Variants in NUDCD1 observed in about 807,000 individuals in gnomAD.
The protein encoded by NUDCD1 is nudC domain-containing protein 1.
A neutral mutation model predicts 67.8 loss-of-function variants in NUDCD1; 60 were observed. That is an observed-to-expected ratio of 0.88 (90% CI 0.72 to 1.10). NUDCD1 has a LOEUF of 1.10. NUDCD1 is among the 50% of genes least tolerant of loss of function. The probability of loss-of-function intolerance (pLI) is 0.00; values close to 1 mark genes in which losing one functional copy is unlikely to be tolerated. For synonymous variants in NUDCD1, 244 were observed against 230.8 expected (o/e 1.06, Z -0.52); for missense variants, 643 against 695.0 (o/e 0.93, Z 0.84).
At chr8:109,313,417 C>G (rs1001295596) in intron 2 of NUDCD1, among the ~76,000 whole-genome samples, 6 of 152,116 alleles carry the variant, frequency 3.9e-5, no homozygotes, top group Non-Finnish European at 7.3e-5. Flanking sequence ...CATGATACGA[C>G]AGCACAAAGT....
chr8:109,332,239 A>G (rs747686894), intron 1 of NUDCD1, among the ~76,000 whole-genome samples: 5 of 152,196 alleles, frequency 3.3e-5, no homozygotes, highest in Non-Finnish European at 7.3e-5. Context: ...CCAAAAGTGA[A>G]GGCAGGAAGG....
At chr8:109,331,015 C>T (rs945038260) in intron 1 of NUDCD1, among the ~76,000 whole-genome samples, 2 of 151,966 alleles carry the variant, frequency 1.3e-5, no homozygotes, top group Admixed American at 1.3e-4. Flanking sequence ...ACCAAACCTG[C>T]ACATCCTGCA....
intron 5 of NUDCD1, among the ~76,000 whole-genome samples, chr8:109,284,464 C>T (rs1814529264): frequency 1.3e-5 from 2 of 152,044 alleles, no homozygotes; most frequent in African/African-American, 4.8e-5. Flanking sequence ...ACCCATCAAC[C>T]ACAGAATATA....
At chr8:109,323,454 G>A (rs1048619942) in intron 1 of NUDCD1, among the ~76,000 whole-genome samples, 1 of 152,028 alleles carries the variant, frequency 6.6e-6, no homozygotes, top group Non-Finnish European at 1.5e-5. Context: ...TAGCACTTAT[G>A]ATACAGTGAG....
intron 8 of NUDCD1, among the ~76,000 whole-genome samples, chr8:109,245,888 G>A (rs958485329): frequency 2.0e-5 from 3 of 152,176 alleles, no homozygotes; most frequent in East Asian, 1.9e-4. Flanking sequence ...GAACTGGGCC[G>A]CACAGCAAGA....
At chr8:109,261,795 T>A (rs2129917058) in intron 8 of NUDCD1, among the ~76,000 whole-genome samples, 1 of 152,314 alleles carries the variant, frequency 6.6e-6, no homozygotes, top group African/African-American at 2.4e-5. Flanking sequence ...CATACCATCA[T>A]AATTTGCCCG....
At position 109,241,441 on chromosome 8, in the gene NUDCD1, A is replaced by C. The variant is rs1228126251; in HGVS notation, c.*1568T>G. The C allele has an allele frequency of 6.6e-6, 1 of 152,152 alleles. No homozygotes were observed. Among genetic ancestry groups the C allele is most frequent in the African/African-American group, 2.4e-5 (1 of 41,450 alleles). 9.4% of individuals were successfully genotyped at this position (152,152 alleles called of 1,614,324 possible). A position where few individuals can be genotyped will look rare whatever the true frequency, so the allele number is the denominator to read the frequency against. On this transcript the variant is annotated 3_prime_UTR_variant, in exon 10 of 10. Coordinates refer to ENST00000239690, the MANE Select transcript of NUDCD1 (RefSeq NM_032869.4). The stretch of plus-strand genomic sequence containing the variant: ...ATGGTCTTTTGTTTCATGAAGTTTT[A>C]CAACAATACTAAAAAGTTCTGGAAA...
chr8:109,300,734 C>A (rs4489305), intron 2 of NUDCD1, among the ~76,000 whole-genome samples: 1 of 152,216 alleles, frequency 6.6e-6, no homozygotes, highest in Non-Finnish European at 1.5e-5. Flanking sequence ...CATCCAAATA[C>A]AAGAAGCACA....
chr8:109,324,474 T>C (rs2980637), intron 1 of NUDCD1, among the ~76,000 whole-genome samples: 98,670 of 151,866 alleles, frequency 0.65, 33,391 homozygotes, highest in African/African-American at 0.85. Flanking sequence ...TAAATTAGTA[T>C]AGCCATTATG....
rs543093649 is a variant in NUDCD1, at chr8:109,241,822, A to C, written c.*1187T>G. ...TTCTTATCTTAATCTTCTGCCTCTT[A>C]AATGAAGGTCTTAACTTCCTTATTA... On this transcript the variant is annotated 3_prime_UTR_variant, in exon 10 of 10. Coordinates refer to ENST00000239690, the MANE Select transcript of NUDCD1 (RefSeq NM_032869.4). 1.6e-3 allele frequency: 548 copies of C among 350,936 alleles called. No individual in the cohort carries two copies. Among genetic ancestry groups the C allele is most frequent in the Non-Finnish European group, 2.3e-3 (445 of 197,162 alleles). The allele number at this position is 350,936 out of a possible 1,614,324, so 21.7% of individuals were successfully genotyped here.
chr8:109,284,883 G>GTT (rs918276544), intron 5 of NUDCD1, among the ~76,000 whole-genome samples: 7 of 150,416 alleles, frequency 4.7e-5, no homozygotes, highest in Non-Finnish European at 1.0e-4. Flanking sequence ...CCAAAAGTTG[G>GTT]TTTTTTTTTG....
At chr8:109,295,572 C>T (rs1814825385) in intron 3 of NUDCD1, among the ~76,000 whole-genome samples, 1 of 152,088 alleles carries the variant, frequency 6.6e-6, no homozygotes, top group Non-Finnish European at 1.5e-5. Flanking sequence ...TAAGACCTAA[C>T]TGGTTTTTCT....
chr8:109,302,558 T>G (rs981036277), intron 2 of NUDCD1, among the ~76,000 whole-genome samples: 7 of 152,036 alleles, frequency 4.6e-5, no homozygotes, highest in Non-Finnish European at 1.0e-4. Flanking sequence ...ACCCTCCTAT[T>G]ACCTCCCCTC....
At chr8:109,317,275 G>A (rs1815422641) in intron 2 of NUDCD1, among the ~76,000 whole-genome samples, 1 of 152,132 alleles carries the variant, frequency 6.6e-6, no homozygotes, top group African/African-American at 2.4e-5. Flanking sequence ...CAGCACTTTG[G>A]GAGACTGAGG....
intron 8 of NUDCD1, among the ~76,000 whole-genome samples, chr8:109,269,440 C>T (rs1814088631): frequency 6.6e-6 from 1 of 152,036 alleles, no homozygotes; most frequent in African/African-American, 2.4e-5. Flanking sequence ...TGGTAAGTAT[C>T]CAAAAAGACT....
At position 109,254,748 on chromosome 8, in the gene NUDCD1, A is replaced by C. The variant is rs547625338; in HGVS notation, c.1300-9267T>G. ...TAAAGACTACTGAAGATTAAATGTC[A>C]AAGTGAAGACATTTAGACAACTTTT... On this transcript the variant is annotated intron_variant, in intron 8 of 9. Transcript: ENST00000239690. Among the ~76,000 whole-genome samples the C allele has an allele frequency of 4.6e-5, 7 of 152,308 alleles. No homozygotes were observed. The South Asian group carries it at 1.5e-3, about 32-fold the overall frequency.
chr8:109,320,666 GTACT>G (rs1336473094), intron 2 of NUDCD1, among the ~76,000 whole-genome samples: 1 of 152,170 alleles, frequency 6.6e-6, no homozygotes, highest in Non-Finnish European at 1.5e-5. Flanking sequence ...AATCACAAGG[GTACT>G]GATTGGGGAA....
At chr8:109,313,780 C>T (rs1248580672) in intron 2 of NUDCD1, 9 of 668,610 alleles carry the variant, frequency 1.3e-5, no homozygotes, top group Non-Finnish European at 2.4e-6. Context: ...CATTTTAAGC[C>T]ATTTTCTTTA....
chr8:109,296,725 C>T (rs1431830087), intron 2 of NUDCD1, among the ~76,000 whole-genome samples, 156 bp from the exon 3 acceptor site: 5 of 152,110 alleles, frequency 3.3e-5, no homozygotes, highest in African/African-American at 1.2e-4. Flanking sequence ...TCAGTTTTAA[C>T]AAAAATATAC....
Sources: allele counts gnomAD v4.1 joint callset (sites outside exome capture counted in the v4.1 genomes callset), GRCh38; gene constraint gnomAD v4.1.1; transcripts MANE v1.5; gene names NCBI Gene and HGNC (gene_info 2026-07-23, HGNC 2026-07-21).